EFR3B: variants seen among roughly 807,000 people sequenced by gnomAD.
EFR3B encodes EFR3 homolog B.
EFR3B carries 64 observed loss-of-function variants against 104.7 expected under a neutral mutation model. The observed-to-expected ratio is 0.61, with a 90% CI of 0.50 to 0.75. EFR3B has a LOEUF of 0.75. Among genes scored for constraint, EFR3B ranks in the 30% least tolerant of loss-of-function variants. EFR3B has a pLI of 0.00. For missense variants in EFR3B, 750 were observed against 1,078.5 expected, an observed-to-expected ratio of 0.70 and a Z score of 4.27; for synonymous variants, 385 against 417.9, an observed-to-expected ratio of 0.92 and a Z score of 0.96.
At chr2:25,071,322 G>A (rs1668490780) in intron 1 of EFR3B, among the ~76,000 whole-genome samples, 1 of 148,820 alleles carries the variant, frequency 6.7e-6, no homozygotes, top group Admixed American at 6.8e-5. Context: ...GTGCAGTGGT[G>A]CGATCTTGGC....
intron 1 of EFR3B, among the ~76,000 whole-genome samples, chr2:25,084,188 C>T (rs547917819): frequency 2.6e-5 from 4 of 151,506 alleles, no homozygotes; most frequent in African/African-American, 9.7e-5. Flanking sequence ...TTGTGAACCT[C>T]GAAAATCTGA....
intron 3 of EFR3B, among the ~76,000 whole-genome samples, chr2:25,100,392 G>A (rs941551861): frequency 6.6e-5 from 10 of 152,188 alleles, no homozygotes; most frequent in African/African-American, 2.2e-4. Context: ...CTGCGATCTT[G>A]TAAGAGAGGC....
chr2:25,129,534 A>G (rs1398241145), intron 6 of EFR3B, among the ~76,000 whole-genome samples: 1 of 151,830 alleles, frequency 6.6e-6, no homozygotes, highest in Non-Finnish European at 1.5e-5. Flanking sequence ...TGAGCCAACC[A>G]CTGTGCCTTT....
chr2:25,055,891 G>A (rs537994984), intron 1 of EFR3B, among the ~76,000 whole-genome samples: 8 of 152,262 alleles, frequency 5.3e-5, no homozygotes, highest in South Asian at 4.1e-4. Context: ...TACTGTTGTC[G>A]TTTATTTCTT....
intron 1 of EFR3B, among the ~76,000 whole-genome samples, chr2:25,049,294 A>T (rs1412709861): frequency 6.6e-6 from 1 of 152,182 alleles, no homozygotes; most frequent in East Asian, 1.9e-4. Flanking sequence ...GTAAATCGTC[A>T]TGGGAGTATG....
Position 25,135,511 on chromosome 2 carries a change from T to C in EFR3B, c.1356T>C (p.Pro452=), listed in dbSNP as rs1573229617. The C allele has an allele frequency of 1.3e-6, 2 of 1,551,802 alleles. No homozygotes were observed. The highest frequency in any genetic ancestry group is 1.4e-5 in the African/African-American group (1 of 73,162). ...FQCNNMMSAL[P]SNFLDRLLST... The stretch of plus-strand genomic sequence containing the variant: ...GCAACAACATGATGTCAGCCCTGCC[T>C]AGCAACTTCCTGGACCGCCTTCTCT... The change falls in exon 13 of 23, where the codon CCT becomes CCC. Residue 452 remains proline (P), a synonymous_variant. Coordinates refer to ENST00000403714, the MANE Select transcript of EFR3B (RefSeq NM_014971.2).
intron 16 of EFR3B, among the ~76,000 whole-genome samples, chr2:25,139,842 C>T (rs1408064869): frequency 6.6e-6 from 1 of 152,198 alleles, no homozygotes; most frequent in Non-Finnish European, 1.5e-5. Flanking sequence ...AGCATGAACA[C>T]CTCCCTACAT....
At position 25,137,442 on chromosome 2, in the gene EFR3B, C is replaced by T. The variant is rs1028659957; in HGVS notation, c.1662C>T (p.Ser554=). 6.4e-7 allele frequency: 1 copy of T among 1,551,632 alleles called. No homozygotes were observed. The highest frequency in any genetic ancestry group is 8.7e-7 in the Non-Finnish European group (1 of 1,147,010). Residue 554 remains serine (S), a synonymous_variant, in exon 15 of 23, where the codon AGC becomes AGT. Coordinates refer to ENST00000403714, the MANE Select transcript of EFR3B (RefSeq NM_014971.2). The surrounding 1 kb of genome is among the most constrained non-coding windows in gnomAD (Gnocchi z 4.7). ...EALYGLLALI[S]IELANEEVVV... ...TCTATGGCTTGCTGGCCCTCATCAG[C>T]ATCGAGCTGGCTAACGAGGAGGTGG...
chr2:25,073,363 T>C (rs1389778197), intron 1 of EFR3B, among the ~76,000 whole-genome samples: 6 of 150,990 alleles, frequency 4.0e-5, no homozygotes, highest in Non-Finnish European at 7.4e-5. Context: ...TTTAATACTT[T>C]TTTTTTTTTT....
At chr2:25,147,427 G>A (rs1336185960) in intron 19 of EFR3B, 1 of 152,216 alleles carries the variant, frequency 6.6e-6, no homozygotes, top group Non-Finnish European at 1.5e-5. Flanking sequence ...TGTAGTTGGT[G>A]CTCACTTAAT....
intron 17 of EFR3B, among the ~76,000 whole-genome samples, chr2:25,141,874 C>T (rs1253805372): frequency 1.3e-5 from 2 of 152,060 alleles, no homozygotes; most frequent in African/African-American, 4.8e-5. Context: ...AAATTATGGC[C>T]CATCCATACA....
At chr2:25,103,551 G>A in intron 3 of EFR3B, 86 bp from the exon 4 acceptor site, 1 of 1,486,446 alleles carries the variant, frequency 6.7e-7, no homozygotes, top group Non-Finnish European at 9.0e-7. Flanking sequence ...CATTGCCCAG[G>A]TCACCACACT....
chr2:25,071,130 T>G (rs1388249829), intron 1 of EFR3B, among the ~76,000 whole-genome samples: 1 of 151,948 alleles, frequency 6.6e-6, no homozygotes, highest in Non-Finnish European at 1.5e-5. Context: ...CCAGCTAATT[T>G]TTTGTATTTT....
chr2:25,076,455 C>T (rs548754241), intron 1 of EFR3B, among the ~76,000 whole-genome samples: 73 of 152,176 alleles, frequency 4.8e-4, no homozygotes, highest in Non-Finnish European at 8.5e-4. Context: ...CTAGTCTTCA[C>T]CACAACCCTA....
In EFR3B at chr2:25,073,384, G is replaced by T. The variant is rs188420490; in HGVS notation, c.8-17941G>T. On this transcript the variant is annotated intron_variant, in intron 1 of 22. Transcript: ENST00000403714. Reference sequence around the variant, plus strand: ...ACTTTTTTTTTTTTTTTTAGACAGAGTGTTGCTCTATTACCCAGTCTGGAG... The same window carrying T: ...ACTTTTTTTTTTTTTTTTAGACAGATTGTTGCTCTATTACCCAGTCTGGAG... 4.8e-5 allele frequency among the ~76,000 whole-genome samples: 7 copies of T among 147,294 alleles called. No individual in the cohort carries two copies. The East Asian group carries it at 1.4e-3, about 29-fold the overall frequency.
chr2:25,118,107 G>T (rs753475274), intron 4 of EFR3B, among the ~76,000 whole-genome samples: 1 of 152,140 alleles, frequency 6.6e-6, no homozygotes, highest in African/African-American at 2.4e-5. Context: ...AGCCTCCCGA[G>T]TAGCTGGGAT....
At chr2:25,135,987 G>A (rs1670506216) in intron 13 of EFR3B, among the ~76,000 whole-genome samples, 2 of 152,054 alleles carry the variant, frequency 1.3e-5, no homozygotes, top group Non-Finnish European at 2.9e-5. Flanking sequence ...GATTTGGGGG[G>A]AATAAGAGGA....
intron 1 of EFR3B, chr2:25,081,087 A>G (rs572901974): frequency 1.4e-6 from 1 of 707,714 alleles, no homozygotes; most frequent in East Asian, 2.5e-5. Flanking sequence ...TGACCTCTCC[A>G]TCCCTATTGC....
chr2:25,104,770 T>C (rs578196693), intron 4 of EFR3B, among the ~76,000 whole-genome samples: 1 of 152,232 alleles, frequency 6.6e-6, no homozygotes, highest in South Asian at 2.1e-4. Context: ...GTTGAGCAGG[T>C]TACCTTTTAT....
Sources: allele counts gnomAD v4.1 joint callset (sites outside exome capture counted in the v4.1 genomes callset), GRCh38; gene constraint gnomAD v4.1.1; non-coding constraint Gnocchi (gnomAD v3.1); transcripts MANE v1.5; gene names NCBI Gene and HGNC (gene_info 2026-07-23, HGNC 2026-07-21).